The following PALMD variants were observed in gnomAD, a reference collection of about 807,000 sequenced individuals.
The protein encoded by PALMD is palmdelphin, also known as paralemmin-like protein.
A neutral mutation model predicts 56.2 loss-of-function variants in PALMD; 42 were observed. The observed-to-expected ratio is 0.75, with a 90% confidence interval of 0.58 to 0.97. The LOEUF is 0.97. PALMD is among the 50% of genes least tolerant of loss of function. PALMD has a pLI of 0.00. For missense variants in PALMD, 660 were observed against 643.8 expected (o/e 1.03, Z -0.27); for synonymous variants, 242 against 222.9 (o/e 1.09, Z -0.76).
chr1:99,650,124 A>T (rs767001060), intron 1 of PALMD, among the ~76,000 whole-genome samples: 6 of 152,018 alleles, frequency 3.9e-5, no homozygotes, highest in Non-Finnish European at 7.4e-5. Flanking sequence ...TTGAGCCTAG[A>T]TGTGAAGGAG....
intron 3 of PALMD, among the ~76,000 whole-genome samples, chr1:99,678,890 C>T (rs1653276778): frequency 6.6e-6 from 1 of 151,740 alleles, no homozygotes; most frequent in African/African-American, 2.4e-5. Flanking sequence ...TTTAGGGAGG[C>T]CAAGGCAAGG....
At chr1:99,693,937 T>C in intron 7 of PALMD, 82 bp from the exon 8 acceptor site, 1 of 909,936 alleles carries the variant, frequency 1.1e-6, no homozygotes, top group East Asian at 2.6e-5. Context: ...GTTCTAAACT[T>C]TCCTGCATTC....
chr1:99,686,624 C>A, intron 3 of PALMD, 52 bp from the exon 4 acceptor site: 1 of 868,548 alleles, frequency 1.2e-6, no homozygotes, highest in Non-Finnish European at 1.8e-6. Flanking sequence ...TATTTGAGAA[C>A]TCCGCATTTG....
rs935759156 is a variant in PALMD, at chr1:99,658,568, G to A, written c.46-3751G>A. Among the ~76,000 whole-genome samples, 3 of 151,678 alleles carry A rather than the reference G, an allele frequency of 2.0e-5. No individual in the cohort carries two copies. The East Asian group carries it at 5.9e-4, about 30-fold the overall frequency. On this transcript the variant is annotated intron_variant, in intron 1 of 7. Coordinates refer to ENST00000263174, the MANE Select transcript of PALMD (RefSeq NM_017734.5). ...AGGCGGATCACGAGGTCAGGAGATC[G>A]AGACCATCCTGACTAACACAGTGAA... is the stretch of plus-strand genomic sequence containing the variant.
chr1:99,661,946 C>G (rs575559632), intron 1 of PALMD, among the ~76,000 whole-genome samples: 1 of 152,234 alleles, frequency 6.6e-6, no homozygotes, highest in East Asian at 1.9e-4. Context: ...AACCTTGGAC[C>G]AGGATCAGTC....
intron 1 of PALMD, among the ~76,000 whole-genome samples, chr1:99,658,186 C>T (rs776848762): frequency 6.6e-6 from 1 of 151,652 alleles, no homozygotes; most frequent in Non-Finnish European, 1.5e-5. Context: ...TGCCTGTAAC[C>T]TCATCTACTT....
At chr1:99,671,637 A>G (rs113042775) in intron 3 of PALMD, among the ~76,000 whole-genome samples, 1,631 of 152,308 alleles carry the variant, frequency 0.011, 31 homozygotes, top group African/African-American at 0.037. Flanking sequence ...AATACCAACC[A>G]ATGAGGATTC....
At chr1:99,662,456 A>G in intron 2 of PALMD, 57 bp downstream of exon 2, 1 of 1,019,236 alleles carries the variant, frequency 9.8e-7, no homozygotes, top group Non-Finnish European at 1.5e-6. Flanking sequence ...TTCTATTGGT[A>G]CTCAAATTTC....
Position 99,694,006 on chromosome 1 carries a change from C to A in PALMD, c.1613-13C>A. ...TTTTTTTATAACTCTCTTTTTTTTTCTTTAATTTGCAGCTTTAAGGATGAG... is the reference window on the plus strand; with the variant it reads ...TTTTTTTATAACTCTCTTTTTTTTTATTTAATTTGCAGCTTTAAGGATGAG... On this transcript the variant is annotated splice_polypyrimidine_tract_variant and intron_variant, in intron 7 of 7. Coordinates refer to ENST00000263174, the MANE Select transcript of PALMD (RefSeq NM_017734.5). 1.3e-6 allele frequency: 2 copies of A among 1,549,578 alleles called. No homozygotes were observed. Among genetic ancestry groups the A allele is most frequent in the Admixed American group, 1.8e-5 (1 of 54,552 alleles).
chr1:99,659,345 T>C (rs189267327), intron 1 of PALMD, among the ~76,000 whole-genome samples: 128 of 152,332 alleles, frequency 8.4e-4, no homozygotes, highest in Middle Eastern at 3.4e-3. Context: ...TAAAATAGGC[T>C]GTCAGATGGC....
At chr1:99,660,221 G>T (rs1476005838) in intron 1 of PALMD, among the ~76,000 whole-genome samples, 1 of 152,180 alleles carries the variant, frequency 6.6e-6, no homozygotes, top group East Asian at 1.9e-4. Flanking sequence ...TGAGGGAGAA[G>T]AAAAAGGAAG....
At chr1:99,659,619 G>C (rs1652803077) in intron 1 of PALMD, among the ~76,000 whole-genome samples, 1 of 152,156 alleles carries the variant, frequency 6.6e-6, no homozygotes, top group African/African-American at 2.4e-5. Context: ...AATCGAGCTA[G>C]ATAAACATCT....
intron 3 of PALMD, among the ~76,000 whole-genome samples, chr1:99,671,595 T>A (rs1268830598): frequency 6.6e-6 from 1 of 152,206 alleles, no homozygotes; most frequent in Non-Finnish European, 1.5e-5. Context: ...TTTATGCTAG[T>A]ACAAAGAGTG....
Position 99,670,736 on chromosome 1 carries a change from GA to G in PALMD, c.251+2972del, listed in dbSNP as rs371052039. On this transcript the variant is annotated intron_variant, in intron 3 of 7. Coordinates refer to ENST00000263174, the MANE Select transcript of PALMD (RefSeq NM_017734.5). ...TCTGGTTAAAAATATAACAGCAACA[GA>G]ATGTTCCAAAGCAACACACAGAGAA... is the stretch of plus-strand genomic sequence containing the variant. Among the ~76,000 whole-genome samples, 33 of 152,174 alleles carry G rather than the reference GA, an allele frequency of 2.2e-4. 1 individual carries two copies. Among genetic ancestry groups the G allele is most frequent in the African/African-American group, 7.2e-4 (30 of 41,536 alleles).
At chr1:99,687,761 A>T (rs994455814) in intron 6 of PALMD, among the ~76,000 whole-genome samples, 3 of 152,202 alleles carry the variant, frequency 2.0e-5, no homozygotes, top group Non-Finnish European at 4.4e-5. Context: ...TGCCAGGTTC[A>T]GTTAGGCACA....
At chr1:99,673,348 T>C (rs1653126197) in intron 3 of PALMD, among the ~76,000 whole-genome samples, 1 of 152,170 alleles carries the variant, frequency 6.6e-6, no homozygotes, top group Admixed American at 6.5e-5. Flanking sequence ...GAAACTAATG[T>C]TTCCTCAAAC....
chr1:99,693,518 G>T (rs1267503075), intron 7 of PALMD, among the ~76,000 whole-genome samples: 1 of 152,094 alleles, frequency 6.6e-6, no homozygotes, highest in Non-Finnish European at 1.5e-5. Context: ...TTAATAACTT[G>T]TTCCTGTTGT....
Position 99,689,106 on chromosome 1 carries a change from C to A in PALMD, c.846C>A (p.Asn282Lys). ...GAGAAACGGTGACCCCTGGACCAAA[C>A]TTTCAAGAAAGGATAAAGATTAAAA... Reference protein sequence around the residue: ...PQRETVTPGPNFQERIKIKTN... With the variant: ...PQRETVTPGPKFQERIKIKTN... Residue 282 changes from asparagine to lysine, a missense_variant, in exon 7 of 8, where the codon AAC (asparagine) becomes AAA (lysine). Asn to Lys is a moderately conservative substitution (Grantham distance 94). Transcript: ENST00000263174. 1.9e-6 allele frequency: 3 copies of A among 1,613,378 alleles called. No homozygotes were observed. Among genetic ancestry groups the A allele is most frequent in the Non-Finnish European group, 2.5e-6 (3 of 1,179,734 alleles).
intron 3 of PALMD, 100 bp downstream of exon 3, chr1:99,667,866 T>C (rs2100862398): frequency 1.8e-6 from 2 of 1,108,842 alleles, no homozygotes; most frequent in Middle Eastern, 2.1e-4. Context: ...CATAATCAAA[T>C]CTTCCATTTG....
Sources: allele counts gnomAD v4.1 joint callset (sites outside exome capture counted in the v4.1 genomes callset), GRCh38; gene constraint gnomAD v4.1.1; transcripts MANE v1.5; gene names NCBI Gene and HGNC (gene_info 2026-07-23, HGNC 2026-07-21).